Variants in MYZAP observed in about 807,000 individuals in gnomAD.
The protein encoded by MYZAP is myocardial zonula adherens protein, also known as GRINL1A complex locus upstream.
A neutral mutation model predicts 69.4 loss-of-function variants in MYZAP; 66 were observed. That is an observed-to-expected ratio of 0.95 (90% CI 0.78 to 1.17). The LOEUF (loss-of-function observed/expected upper bound fraction) is 1.17. MYZAP is among the 50% of genes most tolerant of loss of function. MYZAP has a pLI of 0.00. For missense variants in MYZAP, 611 were observed against 556.2 expected, an observed-to-expected ratio of 1.10 and a Z score of -0.99; for synonymous variants, 256 against 205.9, an observed-to-expected ratio of 1.24 and a Z score of -2.09.
At chr15:57,673,092 A>C in intron 11 of MYZAP, among the ~76,000 whole-genome samples, 1 of 152,160 alleles carries the variant, frequency 6.6e-6, no homozygotes, top group East Asian at 1.9e-4. Context: ...TTATATTCTC[A>C]TGAGTATACA....
chr15:57,611,042 T>C (rs1340288882), intron 2 of MYZAP, among the ~76,000 whole-genome samples: 1 of 152,110 alleles, frequency 6.6e-6, no homozygotes, highest in East Asian at 1.9e-4. Flanking sequence ...TAGGAACCCA[T>C]ATACTCAAAA....
intron 11 of MYZAP, among the ~76,000 whole-genome samples, chr15:57,663,152 G>A (rs1435800699): frequency 2.6e-5 from 4 of 152,174 alleles, no homozygotes; most frequent in South Asian, 2.1e-4. Context: ...GGCAGTCACA[G>A]GAGAGAGGAA....
chr15:57,659,451 A>G (rs1467621041), intron 10 of MYZAP, among the ~76,000 whole-genome samples: 1 of 152,188 alleles, frequency 6.6e-6, no homozygotes, highest in Non-Finnish European at 1.5e-5. Context: ...TTTAAATTGA[A>G]CAAAATTTTG....
At chr15:57,675,779 A>G (rs1440027122) in intron 12 of MYZAP, among the ~76,000 whole-genome samples, 3 of 152,178 alleles carry the variant, frequency 2.0e-5, no homozygotes, top group African/African-American at 7.2e-5. Context: ...CTAACTCACC[A>G]TTCCCGGGTG....
chr15:57,671,853 T>G (rs2414516), intron 11 of MYZAP, among the ~76,000 whole-genome samples: 136,526 of 152,168 alleles, frequency 0.9, 62,433 homozygotes, highest in Non-Finnish European at 0.98. Flanking sequence ...TCCAACATCA[T>G]AGTTACATCA....
chr15:57,594,384 G>A (rs534203896), intron 1 of MYZAP, among the ~76,000 whole-genome samples: 2 of 152,302 alleles, frequency 1.3e-5, no homozygotes, highest in African/African-American at 4.8e-5. Context: ...CCAAAGTGCT[G>A]GGATTATAGG....
chr15:57,632,066 G>A (rs1173713944), intron 6 of MYZAP, among the ~76,000 whole-genome samples: 7 of 152,222 alleles, frequency 4.6e-5, no homozygotes, highest in Admixed American at 2.0e-4. Flanking sequence ...ACAAGGGTAT[G>A]GAAAGGGTGA....
At chr15:57,678,878 A>C (rs2039280611) in intron 12 of MYZAP, among the ~76,000 whole-genome samples, 1 of 152,040 alleles carries the variant, frequency 6.6e-6, no homozygotes, top group Non-Finnish European at 1.5e-5. Flanking sequence ...TTGTGTGAAA[A>C]AAAAATTGCA....
intron 1 of MYZAP, among the ~76,000 whole-genome samples, chr15:57,597,961 G>A (rs2034169519): frequency 6.6e-6 from 1 of 152,206 alleles, no homozygotes; most frequent in South Asian, 2.1e-4. Flanking sequence ...GAGCTGGGCA[G>A]GGACCCACAG....
At chr15:57,596,912 T>C (rs1408497287) in intron 1 of MYZAP, among the ~76,000 whole-genome samples, 1 of 152,172 alleles carries the variant, frequency 6.6e-6, no homozygotes, top group African/African-American at 2.4e-5. Context: ...CATGCCACCA[T>C]TACTTGCGTC....
chr15:57,633,586 A>G, intron 7 of MYZAP, 27 bp from the exon 8 acceptor site: 1 of 1,605,710 alleles, frequency 6.2e-7, no homozygotes, highest in Non-Finnish European at 8.5e-7. Context: ...CCATGCCTGT[A>G]CTTAGGAGGG....
At chr15:57,642,047 T>G (rs2037190545) in intron 10 of MYZAP, among the ~76,000 whole-genome samples, 1 of 152,222 alleles carries the variant, frequency 6.6e-6, no homozygotes, top group African/African-American at 2.4e-5. Context: ...AGAGGCAAAT[T>G]GCAGCTCTTC....
At chr15:57,610,987 G>A (rs1482889702) in intron 2 of MYZAP, among the ~76,000 whole-genome samples, 2 of 152,186 alleles carry the variant, frequency 1.3e-5, no homozygotes, top group African/African-American at 4.8e-5. Context: ...CAAGAAGAAG[G>A]TGGACGGACA....
chr15:57,602,645 CCA>C (rs1373983097), intron 1 of MYZAP, among the ~76,000 whole-genome samples: 1 of 152,192 alleles, frequency 6.6e-6, no homozygotes. Flanking sequence ...CGAACTGAGC[CCA>C]CATGGCATTT....
chr15:57,591,986 G>C lies in MYZAP; in HGVS notation c.-49G>C. The C allele has an allele frequency of 1.4e-6, 2 of 1,401,052 alleles. No homozygotes were observed. The highest frequency in any genetic ancestry group is 3.1e-5 in the East Asian group (1 of 32,114). The allele number at this position is 1,401,052 out of a possible 1,614,324, so 86.8% of individuals were successfully genotyped here. On this transcript the variant is annotated 5_prime_UTR_variant, in exon 1 of 13. Coordinates refer to ENST00000267853, the MANE Select transcript of MYZAP (RefSeq NM_001018100.5). ...AGGGCGGGCCCCGCACGCTTATTCT[G>C]CCCGGGAGGAACGCCGGCGTCCAGC...
chr15:57,621,725 G>C, intron 4 of MYZAP, 25 bp downstream of exon 4: 1 of 1,611,450 alleles, frequency 6.2e-7, no homozygotes, highest in Non-Finnish European at 8.5e-7. Context: ...CAGTTGCTTG[G>C]AGATAGGGAG....
intron 2 of MYZAP, among the ~76,000 whole-genome samples, chr15:57,617,482 A>G (rs1444755458): frequency 6.6e-6 from 1 of 152,170 alleles, no homozygotes; most frequent in African/African-American, 2.4e-5. Flanking sequence ...CTGAAGTCAC[A>G]CCACCTCTTC....
chr15:57,595,909 C>T (rs1329228000), intron 1 of MYZAP, among the ~76,000 whole-genome samples: 2 of 152,188 alleles, frequency 1.3e-5, no homozygotes, highest in African/African-American at 4.8e-5. Context: ...GTCCCTCTCC[C>T]ATGTCCCATT....
At chr15:57,625,494 A>G (rs1332412396) in intron 4 of MYZAP, among the ~76,000 whole-genome samples, 2 of 152,192 alleles carry the variant, frequency 1.3e-5, no homozygotes, top group Non-Finnish European at 1.5e-5. Flanking sequence ...AGCAAATCAC[A>G]TAACTTCTCT....
Sources: allele counts gnomAD v4.1 joint callset (sites outside exome capture counted in the v4.1 genomes callset), GRCh38; gene constraint gnomAD v4.1.1; transcripts MANE v1.5; gene names NCBI Gene and HGNC (gene_info 2026-07-23, HGNC 2026-07-21).